Variants in MAGI2 observed in about 807,000 individuals in gnomAD.
MAGI2 encodes the protein membrane associated guanylate kinase, WW and PDZ domain containing 2, also known as membrane-associated guanylate kinase, WW and PDZ domain-containing protein 2.
Under a neutral mutation model 133.3 loss-of-function variants are expected in MAGI2, and 35 were observed. The observed-to-expected ratio is 0.26, with a 90% CI of 0.20 to 0.35. The LOEUF (loss-of-function observed/expected upper bound fraction) is 0.35, where lower values mean the gene tolerates loss of function less well. MAGI2 is among the 10% of genes least tolerant of loss of function. The pLI is 1.00. For synonymous variants in MAGI2, 729 were observed against 710.6 expected, an observed-to-expected ratio of 1.03 and a Z score of -0.41; for missense variants, 1,636 against 1,863.4, an observed-to-expected ratio of 0.88 and a Z score of 2.25.
chr7:78,723,363 A>AGTT (rs1209656073), intron 2 of MAGI2, among the ~76,000 whole-genome samples: 1 of 152,164 alleles, frequency 6.6e-6, no homozygotes, highest in East Asian at 1.9e-4. Context: ...GGGCCCTAAC[A>AGTT]CATTTGTAAG....
chr7:79,434,617 T>C (rs1585970595), intron 1 of MAGI2, among the ~76,000 whole-genome samples: 1 of 152,172 alleles, frequency 6.6e-6, no homozygotes, highest in Non-Finnish European at 1.5e-5. Flanking sequence ...ACTCTAAATA[T>C]ATTCAGAAAG....
chr7:79,014,406 C>T (rs539904022), intron 1 of MAGI2, among the ~76,000 whole-genome samples: 1 of 152,138 alleles, frequency 6.6e-6, no homozygotes, highest in African/African-American at 2.4e-5. Flanking sequence ...GAACTATGAA[C>T]CCAAAGTTGA....
chr7:78,143,769 T>C (rs903841493), intron 16 of MAGI2, among the ~76,000 whole-genome samples: 7 of 152,172 alleles, frequency 4.6e-5, no homozygotes, highest in African/African-American at 1.7e-4. Context: ...TATGTACTCA[T>C]TACTTTGGCC....
chr7:78,626,267 T>TTA (rs889174560), intron 3 of MAGI2, among the ~76,000 whole-genome samples: 3 of 152,146 alleles, frequency 2.0e-5, no homozygotes, highest in East Asian at 1.9e-4. Flanking sequence ...TATAATTTCA[T>TTA]TATATATATA....
intron 1 of MAGI2, among the ~76,000 whole-genome samples, chr7:79,032,961 G>A (rs1163641174): frequency 2.0e-5 from 3 of 152,162 alleles, no homozygotes; most frequent in African/African-American, 7.2e-5. Context: ...ATGAAGAATG[G>A]TTGTAATAGA....
intron 2 of MAGI2, among the ~76,000 whole-genome samples, chr7:78,649,626 C>T (rs1163342018): frequency 6.6e-6 from 1 of 152,034 alleles, no homozygotes; most frequent in African/African-American, 2.4e-5. Flanking sequence ...GAGTAATTGA[C>T]AAAAAATTTC....
chr7:78,018,366 A>T lies in MAGI2; in HGVS notation c.*949T>A, dbSNP rs955114873. 17 of 152,568 alleles carry T rather than the reference A, an allele frequency of 1.1e-4. No homozygotes were observed. Among genetic ancestry groups the T allele is most frequent in the African/African-American group, 4.1e-4 (17 of 41,468 alleles). 9.5% of individuals were successfully genotyped at this position (152,568 alleles called of 1,614,324 possible). On this transcript the variant is annotated 3_prime_UTR_variant, in exon 22 of 22. Transcript: ENST00000354212. ...AGGGTTTAAAATAAGACAATAAAAT[A>T]AGTGAAATCACATTGCTGACAAAGA...
chr7:78,972,958 C>CA (rs926937013), intron 2 of MAGI2, among the ~76,000 whole-genome samples: 16 of 151,670 alleles, frequency 1.1e-4, no homozygotes, highest in African/African-American at 3.9e-4. Flanking sequence ...CACACACACA[C>CA]ACACACACAC....
At chr7:78,141,147 G>T (rs903599662) in intron 16 of MAGI2, among the ~76,000 whole-genome samples, 1 of 152,068 alleles carries the variant, frequency 6.6e-6, no homozygotes, top group Non-Finnish European at 1.5e-5. Flanking sequence ...GTGCTTTGTG[G>T]GCTGGGGTCC....
intron 9 of MAGI2, among the ~76,000 whole-genome samples, chr7:78,314,427 T>G (rs144895072): frequency 9.8e-5 from 15 of 152,288 alleles, no homozygotes; most frequent in African/African-American, 3.4e-4. Flanking sequence ...GGAATTATCA[T>G]GCTATCCTGA....
intron 1 of MAGI2, among the ~76,000 whole-genome samples, chr7:79,067,793 T>G (rs914003341): frequency 1.3e-5 from 2 of 152,246 alleles, no homozygotes; most frequent in Non-Finnish European, 2.9e-5. Flanking sequence ...ATACCTAGTT[T>G]ATTGAGATTT....
At chr7:78,564,007 C>T (rs1256468435) in intron 3 of MAGI2, among the ~76,000 whole-genome samples, 3 of 152,078 alleles carry the variant, frequency 2.0e-5, no homozygotes, top group African/African-American at 4.8e-5. Context: ...GTTGCTAACA[C>T]ATATTACACA....
chr7:79,331,208 A>G (rs1840046213), intron 1 of MAGI2, among the ~76,000 whole-genome samples: 1 of 152,158 alleles, frequency 6.6e-6, no homozygotes, highest in African/African-American at 2.4e-5. Context: ...ACTAAATTTA[A>G]AGGCTTTGTG....
At chr7:78,709,001 A>G (rs1818916142) in intron 2 of MAGI2, among the ~76,000 whole-genome samples, 2 of 152,146 alleles carry the variant, frequency 1.3e-5, no homozygotes, top group South Asian at 4.1e-4. Flanking sequence ...CTATTAGCCC[A>G]CTAGCTATGC....
intron 20 of MAGI2, among the ~76,000 whole-genome samples, chr7:78,081,231 T>TG (rs1815936093): frequency 6.6e-6 from 1 of 152,196 alleles, no homozygotes; most frequent in African/African-American, 2.4e-5. Context: ...TTATGCCTCA[T>TG]TACAGATTCA....
chr7:78,470,175 C>A (rs933871584), intron 6 of MAGI2, among the ~76,000 whole-genome samples: 2 of 152,104 alleles, frequency 1.3e-5, no homozygotes, highest in Non-Finnish European at 2.9e-5. Flanking sequence ...TAGCATGACA[C>A]TGGTGGAGAA....
chr7:78,897,887 CA>C (rs1355935997), intron 2 of MAGI2, among the ~76,000 whole-genome samples: 1 of 152,042 alleles, frequency 6.6e-6, no homozygotes, highest in Non-Finnish European at 1.5e-5. Flanking sequence ...TTCTGAAGAG[CA>C]AAAGAAAGTA....
intron 21 of MAGI2, among the ~76,000 whole-genome samples, chr7:78,043,224 G>T (rs10486838): frequency 0.058 from 8,903 of 152,290 alleles, 316 homozygotes; most frequent in South Asian, 0.077. Context: ...CTGACAAGAA[G>T]AGGCTTAACT....
At chr7:78,928,617 A>C (rs1761841997) in intron 2 of MAGI2, among the ~76,000 whole-genome samples, 1 of 152,082 alleles carries the variant, frequency 6.6e-6, no homozygotes, top group African/African-American at 2.4e-5. Flanking sequence ...AAATAGAAGC[A>C]AGGTGCTTAG....
Sources: allele counts gnomAD v4.1 joint callset (sites outside exome capture counted in the v4.1 genomes callset), GRCh38; gene constraint gnomAD v4.1.1; transcripts MANE v1.5; gene names NCBI Gene and HGNC (gene_info 2026-07-23, HGNC 2026-07-21).